CPLANE1: variants seen among roughly 807,000 people sequenced by gnomAD.
CPLANE1 encodes the protein ciliogenesis and planar polarity effector 1.
In CPLANE1, 263 loss-of-function variants were observed where a neutral mutation model predicts 362.5. The ratio of observed to expected loss-of-function variants is 0.73; its 90% CI spans 0.66 to 0.80. The LOEUF (loss-of-function observed/expected upper bound fraction) is 0.80. Ranked by LOEUF, CPLANE1 falls within the 30% of genes least tolerant of loss-of-function variation. The pLI is 0.00. For synonymous variants in CPLANE1, 1,212 were observed against 1,302.6 expected (o/e 0.93, Z 1.50); for missense variants, 3,461 against 3,793.4 (o/e 0.91, Z 2.30).
chr5:37,085,464 C>T, the CPLANE1 span: 67 of 837,534 alleles, frequency 8.0e-5, 1 homozygote, highest in East Asian at 1.5e-3. Context: ...AGGAATCCCT[C>T]ATCTGGTGAC....
chr5:37,154,582 G>C (rs1205374985), intron 41 of CPLANE1, among the ~76,000 whole-genome samples: 1 of 149,786 alleles, frequency 6.7e-6, no homozygotes, highest in African/African-American at 2.5e-5. Context: ...TTACAGGCAT[G>C]AGCCACTGCG....
chr5:37,116,358 A>G (rs1450736622), intron 50 of CPLANE1, among the ~76,000 whole-genome samples: 1 of 151,832 alleles, frequency 6.6e-6, no homozygotes, highest in Non-Finnish European at 1.5e-5. Context: ...CGGTGGTGCA[A>G]GCCTGTAGTC....
At chr5:37,164,036 C>T (rs1205454510) in intron 37 of CPLANE1, among the ~76,000 whole-genome samples, 1 of 152,180 alleles carries the variant, frequency 6.6e-6, no homozygotes, top group Non-Finnish European at 1.5e-5. Context: ...TGCCCACCCC[C>T]ACCACTGCGT....
intron 9 of CPLANE1, among the ~76,000 whole-genome samples, chr5:37,230,264 TAAGTAA>T (rs1477089859): frequency 6.7e-6 from 1 of 148,450 alleles, no homozygotes; most frequent in Non-Finnish European, 1.5e-5. Flanking sequence ...ATACAACTAA[TAAGTAA>T]AAGAACCGGT....
chr5:37,165,739 C>A, intron 35 of CPLANE1, 68 bp from the exon 36 acceptor site: 1 of 1,419,888 alleles, frequency 7.0e-7, no homozygotes, highest in Non-Finnish European at 9.5e-7. Context: ...ATTTATCATG[C>A]TATATAGGGA....
At chr5:37,095,076 T>G in the CPLANE1 span, among the ~76,000 whole-genome samples, 3 of 152,150 alleles carry the variant, frequency 2.0e-5, no homozygotes, top group Admixed American at 2.0e-4. Flanking sequence ...CTCCTAAGTC[T>G]TTCTATGAAG....
At chr5:37,099,935 T>C in the CPLANE1 span, among the ~76,000 whole-genome samples, 1 of 152,258 alleles carries the variant, frequency 6.6e-6, no homozygotes, top group East Asian at 1.9e-4. Context: ...CATTTGTTCA[T>C]GTCATTTGCC....
chr5:37,094,156 C>T, the CPLANE1 span, among the ~76,000 whole-genome samples: 7 of 152,172 alleles, frequency 4.6e-5, no homozygotes, highest in Non-Finnish European at 1.0e-4. Context: ...CAGCACTCTC[C>T]TTAGAGTCTG....
In CPLANE1 at chr5:37,227,552, T is replaced by C. The variant is rs1561669342; in HGVS notation, c.1371+16A>G. The C allele has an allele frequency of 6.6e-7, 1 of 1,515,446 alleles. No individual in the cohort carries two copies. Among genetic ancestry groups the C allele is most frequent in the East Asian group, 2.5e-5 (1 of 40,542 alleles). 93.9% of individuals were successfully genotyped at this position (1,515,446 alleles called of 1,614,324 possible). A position where few individuals can be genotyped will look rare whatever the true frequency, so the allele number is the denominator to read the frequency against. Reference sequence around the variant, plus strand: ...AAAAAGGCAACTTTCCCCAATGATATAAAAAAGCACTATACCTTAGACAAT... The same window carrying C: ...AAAAAGGCAACTTTCCCCAATGATACAAAAAAGCACTATACCTTAGACAAT... On this transcript the variant is annotated intron_variant, in intron 10 of 52. Coordinates refer to ENST00000651892, the MANE Select transcript of CPLANE1 (RefSeq NM_001384732.1).
At position 37,238,950 on chromosome 5, in the gene CPLANE1, A is replaced by C; in HGVS notation, c.845T>G (p.Val282Gly). 6.7e-7 allele frequency: 1 copy of C among 1,489,520 alleles called. No individual in the cohort carries two copies. Among genetic ancestry groups the C allele is most frequent in the Non-Finnish European group, 9.0e-7 (1 of 1,116,590 alleles). 92.3% of individuals were successfully genotyped at this position (1,489,520 alleles called of 1,614,324 possible). Residue 282 changes from valine (V) to glycine (G), a missense_variant, in exon 8 of 53, where the codon GTA (valine) becomes GGA (glycine). By Grantham distance (109) the Val-to-Gly change is moderately radical (BLOSUM62 -3). This residue lies in a region of CPLANE1 where 3,380 missense variants were observed against 3,666.1 expected (regional missense o/e 0.92). Coordinates refer to ENST00000651892, the MANE Select transcript of CPLANE1 (RefSeq NM_001384732.1). ...LNQKDPKATQ[V>G]LFINTLNFVT... The stretch of plus-strand genomic sequence containing the variant: ...AAAATTCAGTGTGTTTATAAATAAT[A>C]CCTGAGTTGCCTAGAAAGGAAAAAA...
intron 15 of CPLANE1, among the ~76,000 whole-genome samples, chr5:37,221,098 C>T (rs959638673): frequency 6.6e-6 from 1 of 152,174 alleles, no homozygotes; most frequent in African/African-American, 2.4e-5. Context: ...ACATAATATA[C>T]TTAATCACCA....
chr5:37,085,029 G>T, the CPLANE1 span: 1 of 639,328 alleles, frequency 1.6e-6, no homozygotes. Context: ...CCGGAAGAGA[G>T]GTCGTCTTTC....
chr5:37,195,260 CT>C (rs1019073566), intron 21 of CPLANE1, among the ~76,000 whole-genome samples: 1 of 151,748 alleles, frequency 6.6e-6, no homozygotes, highest in African/African-American at 2.4e-5. Context: ...AGTTTTACTT[CT>C]TTTTAAACTT....
At chr5:37,095,980 A>C in the CPLANE1 span, among the ~76,000 whole-genome samples, 1 of 152,226 alleles carries the variant, frequency 6.6e-6, no homozygotes, top group Non-Finnish European at 1.5e-5. Context: ...TAGAATCAAT[A>C]TTGTAAAAAT....
intron 19 of CPLANE1, among the ~76,000 whole-genome samples, chr5:37,201,166 T>A (rs1411748614): frequency 6.6e-6 from 1 of 152,216 alleles, no homozygotes; most frequent in African/African-American, 2.4e-5. Flanking sequence ...AATAAGAGAC[T>A]GAAATAATGT....
chr5:37,173,287 C>A (rs1028777451), intron 32 of CPLANE1, among the ~76,000 whole-genome samples: 2 of 152,286 alleles, frequency 1.3e-5, no homozygotes, highest in Non-Finnish European at 2.9e-5. Flanking sequence ...ATAGTGTCAG[C>A]TGGAAAATAA....
intron 15 of CPLANE1, among the ~76,000 whole-genome samples, chr5:37,215,060 T>A (rs1793659246): frequency 6.6e-6 from 1 of 152,152 alleles, no homozygotes; most frequent in African/African-American, 2.4e-5. Context: ...TTTTTTTTTC[T>A]CTTTTTGAGA....
At chr5:37,092,095 C>G in the CPLANE1 span, among the ~76,000 whole-genome samples, 1 of 152,228 alleles carries the variant, frequency 6.6e-6, no homozygotes, top group East Asian at 1.9e-4. Context: ...CTGCTACACT[C>G]TACTGGCTCT....
At position 37,209,323 on chromosome 5, in the gene CPLANE1, G is replaced by A; in HGVS notation, c.2921-2898C>T. On this transcript the variant is annotated intron_variant, in intron 16 of 52. Transcript: ENST00000651892. This position sits in a 1 kb window ranked among gnomAD's most constrained non-coding sequence, Gnocchi z 4.6. The stretch of plus-strand genomic sequence containing the variant: ...AGCTGGGCACTAAACTCGGGCCACG[G>A]CGGGGCGAGCGAGGCGGGCTCCGGA... The A allele has an allele frequency of 1.2e-6, 1 of 837,494 alleles. No homozygotes were observed. The highest frequency in any genetic ancestry group is 2.1e-6 in the Non-Finnish European group (1 of 478,706). 51.9% of individuals were successfully genotyped at this position (837,494 alleles called of 1,614,324 possible).
Sources: allele counts gnomAD v4.1 joint callset (sites outside exome capture counted in the v4.1 genomes callset), GRCh38; gene constraint gnomAD v4.1.1; regional missense constraint gnomAD v4.1.1; non-coding constraint Gnocchi (gnomAD v3.1); transcripts MANE v1.5; gene names NCBI Gene and HGNC (gene_info 2026-07-23, HGNC 2026-07-21).